The following FBXL7 variants were observed in gnomAD, a reference collection of about 807,000 sequenced individuals.
The protein encoded by FBXL7 is F-box and leucine rich repeat protein 7.
Under a neutral mutation model 38.3 loss-of-function variants are expected in FBXL7, and 12 were observed. The ratio of observed to expected loss-of-function variants is 0.31; its 90% CI spans 0.20 to 0.51. FBXL7 has a LOEUF of 0.51. Among genes scored for constraint, FBXL7 ranks in the 20% least tolerant of loss-of-function variants. FBXL7 has a pLI of 0.98. For missense variants in FBXL7, 567 were observed against 676.4 expected, an observed-to-expected ratio of 0.84 and a Z score of 1.79; for synonymous variants, 297 against 300.9, an observed-to-expected ratio of 0.99 and a Z score of 0.13.
chr5:15,905,590 C>G (rs1258930503), intron 2 of FBXL7, among the ~76,000 whole-genome samples: 2 of 151,952 alleles, frequency 1.3e-5, no homozygotes, highest in African/African-American at 2.4e-5. Context: ...ATTTAAAAAC[C>G]AAACAAACAA....
intron 2 of FBXL7, among the ~76,000 whole-genome samples, chr5:15,881,992 G>A (rs180689460): frequency 6.6e-6 from 1 of 152,248 alleles, no homozygotes; most frequent in Admixed American, 6.5e-5. Context: ...GCAAAGAGGG[G>A]ACAGGCACTT....
intron 1 of FBXL7, among the ~76,000 whole-genome samples, chr5:15,530,381 T>C (rs988621289): frequency 2.6e-5 from 4 of 151,938 alleles, no homozygotes; most frequent in Non-Finnish European, 5.9e-5. Context: ...TAGTGGCTGG[T>C]ACATAATGAG....
Position 15,566,275 on chromosome 5 carries a change from TC to T in FBXL7, c.38-49704del, listed in dbSNP as rs767036875. 9.9e-5 allele frequency among the ~76,000 whole-genome samples: 15 copies of T among 152,248 alleles called. No individual in the cohort carries two copies. In the East Asian group the frequency reaches 1.5e-3, roughly 16 times the overall value. On this transcript the variant is annotated intron_variant, in intron 1 of 3. Coordinates refer to ENST00000504595, the MANE Select transcript of FBXL7 (RefSeq NM_012304.5). ...CATAGGACTGAAATTGAGTGGGCTT[TC>T]CCCGGCCTGTGCTCCGCTGCCTTTT...
rs114946481 is a variant in FBXL7, at chr5:15,684,704, A to G, written c.127+68632A>G. Among the ~76,000 whole-genome samples, 956 of 152,308 alleles carry G rather than the reference A, an allele frequency of 6.3e-3. 11 individuals carry two copies. Among genetic ancestry groups the G allele is most frequent in the African/African-American group, 0.022 (905 of 41,580 alleles). ...GATATGTACAATGCAAAGAGTTGTC[A>G]AAGTCAGAGATAGGCTCATTGGAAA... On this transcript the variant is annotated intron_variant, in intron 2 of 3. Coordinates refer to ENST00000504595, the MANE Select transcript of FBXL7 (RefSeq NM_012304.5).
At chr5:15,730,723 C>A (rs919107534) in intron 2 of FBXL7, among the ~76,000 whole-genome samples, 5 of 152,138 alleles carry the variant, frequency 3.3e-5, no homozygotes, top group Non-Finnish European at 7.4e-5. Flanking sequence ...CTATTTATTT[C>A]TAGGGCATAT....
At chr5:15,555,602 G>T (rs750848844) in intron 1 of FBXL7, among the ~76,000 whole-genome samples, 20 of 152,172 alleles carry the variant, frequency 1.3e-4, no homozygotes, top group Non-Finnish European at 2.1e-4. Flanking sequence ...GTTCAGGAGA[G>T]AGTCAGGAAA....
chr5:15,548,378 A>G (rs73754134), intron 1 of FBXL7, among the ~76,000 whole-genome samples: 2,252 of 152,330 alleles, frequency 0.015, 51 homozygotes, highest in African/African-American at 0.05. Context: ...CTTAATTGAC[A>G]TACCTCATTA....
intron 1 of FBXL7, among the ~76,000 whole-genome samples, chr5:15,564,009 C>T (rs1738490668): frequency 6.6e-6 from 1 of 152,074 alleles, no homozygotes; most frequent in African/African-American, 2.4e-5. Flanking sequence ...TCTTATGAAG[C>T]CCTTTTATCG....
At chr5:15,913,367 A>G (rs1741494810) in intron 2 of FBXL7, among the ~76,000 whole-genome samples, 1 of 152,076 alleles carries the variant, frequency 6.6e-6, no homozygotes, top group South Asian at 2.1e-4. Flanking sequence ...CGCTGCACCC[A>G]CTAACGATCA....
intron 2 of FBXL7, among the ~76,000 whole-genome samples, chr5:15,886,573 C>T (rs1051362023): frequency 6.6e-6 from 1 of 152,158 alleles, no homozygotes; most frequent in Non-Finnish European, 1.5e-5. Context: ...TCCCCATTAT[C>T]ATCAGTTAGT....
At chr5:15,663,635 CA>C (rs1398455276) in intron 2 of FBXL7, among the ~76,000 whole-genome samples, 5 of 152,148 alleles carry the variant, frequency 3.3e-5, no homozygotes, top group Admixed American at 3.3e-4. Flanking sequence ...TATTTGTTTG[CA>C]TATGTTGAAC....
chr5:15,767,157 TCTC>T (rs1253574748), intron 2 of FBXL7, among the ~76,000 whole-genome samples: 1 of 152,028 alleles, frequency 6.6e-6, no homozygotes, highest in African/African-American at 2.4e-5. Context: ...TGCTCTCCCT[TCTC>T]CTACACTGCC....
intron 1 of FBXL7, among the ~76,000 whole-genome samples, chr5:15,614,591 A>C (rs1260027140): frequency 6.6e-6 from 1 of 152,220 alleles, no homozygotes; most frequent in African/African-American, 2.4e-5. Flanking sequence ...TCTATTGCTG[A>C]GTAAAAACAT....
chr5:15,613,222 AT>A (rs751259948), intron 1 of FBXL7, among the ~76,000 whole-genome samples: 1 of 152,148 alleles, frequency 6.6e-6, no homozygotes, highest in Non-Finnish European at 1.5e-5. Flanking sequence ...GCTAGGAATC[AT>A]TTTTCCAGAA....
chr5:15,827,398 A>G (rs1738345099), intron 2 of FBXL7, among the ~76,000 whole-genome samples: 1 of 152,214 alleles, frequency 6.6e-6, no homozygotes, highest in South Asian at 2.1e-4. Flanking sequence ...CGTATGTCAA[A>G]CAAATAGCAG....
chr5:15,718,955 A>G (rs773569055), intron 2 of FBXL7, among the ~76,000 whole-genome samples: 17 of 152,186 alleles, frequency 1.1e-4, no homozygotes, highest in Non-Finnish European at 1.9e-4. Context: ...TCTCATTGCA[A>G]TCTGGGATCT....
At chr5:15,580,713 G>A in intron 1 of FBXL7, 5 of 985,424 alleles carry the variant, frequency 5.1e-6, no homozygotes, top group Non-Finnish European at 6.0e-6. Flanking sequence ...AGAACAGGAA[G>A]GGAGGTGGTG....
At chr5:15,591,989 T>C (rs1739490701) in intron 1 of FBXL7, among the ~76,000 whole-genome samples, 1 of 152,128 alleles carries the variant, frequency 6.6e-6, no homozygotes, top group Non-Finnish European at 1.5e-5. Context: ...GGATTACAGG[T>C]GTGAGCCACC....
intron 2 of FBXL7, among the ~76,000 whole-genome samples, chr5:15,646,605 G>A (rs1237743690): frequency 6.6e-6 from 1 of 152,138 alleles, no homozygotes; most frequent in Non-Finnish European, 1.5e-5. Context: ...CAGCTGTTTT[G>A]GAGCTTTGGA....
Sources: allele counts gnomAD v4.1 joint callset (sites outside exome capture counted in the v4.1 genomes callset), GRCh38; gene constraint gnomAD v4.1.1; transcripts MANE v1.5; gene names NCBI Gene and HGNC (gene_info 2026-07-23, HGNC 2026-07-21).